Variants in IGF1R observed in about 807,000 individuals in gnomAD.
The protein encoded by IGF1R is insulin like growth factor 1 receptor.
Under a neutral mutation model 144.6 loss-of-function variants are expected in IGF1R, and 44 were observed. The ratio of observed to expected loss-of-function variants is 0.30; its 90% CI spans 0.24 to 0.39. IGF1R has a LOEUF of 0.39. IGF1R is among the 10% of genes least tolerant of loss of function. The pLI is 1.00. For synonymous variants in IGF1R, 795 were observed against 722.8 expected, an observed-to-expected ratio of 1.10 and a Z score of -1.60; for missense variants, 1,355 against 1,833.7, an observed-to-expected ratio of 0.74 and a Z score of 4.77.
In IGF1R at chr15:98,819,631, C is replaced by A. The variant is rs551954836; in HGVS notation, c.641-71694C>A. ...GTTTAAGGTGTTTTGTTATAGGTGC[C>A]CAGACAGGCTAGGACAAACGCCAAT... On this transcript the variant is annotated intron_variant, in intron 2 of 20. Transcript: ENST00000650285. 3.9e-5 allele frequency among the ~76,000 whole-genome samples: 6 copies of A among 152,162 alleles called. No individual in the cohort carries two copies. The South Asian group carries it at 8.3e-4, about 21-fold the overall frequency.
At chr15:98,943,200 ATTGAGGTGTTCCTGTTG>A in intron 19 of IGF1R, 148 bp downstream of exon 19, 1 of 901,738 alleles carries the variant, frequency 1.1e-6, no homozygotes, top group South Asian at 1.4e-5. Flanking sequence ...CTTCTTCATC[ATTGAGGTGTTCCTGTTG>A]TCAGTGGGCT....
rs779698941 is a variant in IGF1R, at chr15:98,957,769, T to A, written c.*327T>A. On this transcript the variant is annotated 3_prime_UTR_variant, in exon 21 of 21. Coordinates refer to ENST00000650285, the MANE Select transcript of IGF1R (RefSeq NM_000875.5). The stretch of plus-strand genomic sequence containing the variant: ...GTCCCTGTCCTTCCCTGTTCTCCCT[T>A]TCTCTCTCCTCTCTGCTTCATAACG... 1 of 412,186 alleles carries A rather than the reference T, an allele frequency of 2.4e-6. No homozygotes were observed. The highest frequency in any genetic ancestry group is 4.4e-6 in the Non-Finnish European group (1 of 227,632). The allele number at this position is 412,186 out of a possible 1,614,324, so 25.5% of individuals were successfully genotyped here. A position where few individuals can be genotyped will look rare whatever the true frequency, so the allele number is the denominator to read the frequency against.
chr15:98,693,767 C>T (rs369431077), intron 1 of IGF1R, among the ~76,000 whole-genome samples: 53 of 152,134 alleles, frequency 3.5e-4, no homozygotes, highest in East Asian at 9.7e-4. Context: ...CACCATGCCA[C>T]GCTCATTTTT....
intron 5 of IGF1R, among the ~76,000 whole-genome samples, chr15:98,904,301 C>T (rs1457416154): frequency 6.6e-6 from 1 of 152,080 alleles, no homozygotes; most frequent in African/African-American, 2.4e-5. Flanking sequence ...ATCTGCCTGC[C>T]TCGGCCTCTG....
chr15:98,938,724 C>T (rs2684797), intron 17 of IGF1R, among the ~76,000 whole-genome samples: 151,285 of 152,364 alleles, frequency 0.99, 75,122 homozygotes, highest in Middle Eastern at 1. Context: ...TAACGATGCT[C>T]TTATGGGAAA....
chr15:98,916,261 G>GTTTTT (rs34536372), intron 9 of IGF1R, 130 bp downstream of exon 9: 117 of 555,722 alleles, frequency 2.1e-4, no homozygotes, highest in East Asian at 7.4e-4. Flanking sequence ...CTATCTTCTG[G>GTTTTT]TTTTTTTTTT....
chr15:98,756,249 GT>G (rs35407450), intron 2 of IGF1R, among the ~76,000 whole-genome samples: 90,957 of 142,114 alleles, frequency 0.64, 29,905 homozygotes, highest in Non-Finnish European at 0.74. Context: ...GAAATAACCT[GT>G]TTTTTTTTTT....
chr15:98,934,986 G>A lies in IGF1R; in HGVS notation c.3119G>A (p.Ser1040Asn), dbSNP rs2151708034. ...ATTAAAACAGTGAACGAGGCCGCAA[G>A]CATGCGTGAGAGGATTGAGTTTCTC... is the stretch of plus-strand genomic sequence containing the variant. ...VAIKTVNEAA[S>N]MRERIEFLNE... Residue 1040 changes from serine to asparagine, a missense_variant, in exon 16 of 21, where the codon AGC becomes AAC. Coordinates refer to ENST00000650285, the MANE Select transcript of IGF1R (RefSeq NM_000875.5). The A allele has an allele frequency of 6.2e-7, 1 of 1,614,170 alleles. No individual in the cohort carries two copies. The highest frequency in any genetic ancestry group is 8.5e-7 in the Non-Finnish European group (1 of 1,180,032).
At chr15:98,918,956 A>G (rs2015369646) in intron 10 of IGF1R, among the ~76,000 whole-genome samples, 1 of 151,500 alleles carries the variant, frequency 6.6e-6, no homozygotes, top group Non-Finnish European at 1.5e-5. Flanking sequence ...CCGCTGGGGG[A>G]GTCTTCTGCC....
chr15:98,715,122 C>G (rs990823123), intron 2 of IGF1R, among the ~76,000 whole-genome samples: 2 of 152,194 alleles, frequency 1.3e-5, no homozygotes, highest in Admixed American at 6.5e-5. Flanking sequence ...TCACATGCCC[C>G]CAGGCCTCAT....
intron 2 of IGF1R, among the ~76,000 whole-genome samples, chr15:98,884,953 T>G (rs1024351230): frequency 6.6e-6 from 1 of 152,166 alleles, no homozygotes; most frequent in African/African-American, 2.4e-5. Context: ...CCCTCCCCTC[T>G]GTCTCCAGTG....
intron 13 of IGF1R, among the ~76,000 whole-genome samples, chr15:98,926,544 AT>A (rs2015727951): frequency 9.3e-6 from 1 of 107,138 alleles, no homozygotes. Flanking sequence ...TTTCAAAACA[AT>A]ATGTTGTACA....
intron 6 of IGF1R, among the ~76,000 whole-genome samples, chr15:98,910,021 T>C (rs1288455181): frequency 3.3e-5 from 5 of 152,340 alleles, no homozygotes; most frequent in South Asian, 4.1e-4. Context: ...TTTGTGCGTG[T>C]GTGCAGACAG....
intron 2 of IGF1R, among the ~76,000 whole-genome samples, chr15:98,835,709 G>A (rs997772774): frequency 6.6e-6 from 1 of 152,234 alleles, no homozygotes; most frequent in African/African-American, 2.4e-5. Flanking sequence ...AGCTTTAGAT[G>A]TGGTTGGGGT....
chr15:98,858,290 C>T (rs890642105), intron 2 of IGF1R, among the ~76,000 whole-genome samples: 1 of 151,584 alleles, frequency 6.6e-6, no homozygotes, highest in African/African-American at 2.4e-5. Flanking sequence ...TTTCCCCCCG[C>T]TTCGTTGTTT....
chr15:98,964,280 AT>A lies in IGF1R; in HGVS notation c.*6839del, dbSNP rs1000729217. On this transcript the variant is annotated 3_prime_UTR_variant, in exon 21 of 21. Transcript: ENST00000650285. ...TGTTACATAAAATGACTTTCTGTGT[AT>A]AAATTATTCCTAAAAAATCCTGTTT... is the stretch of plus-strand genomic sequence containing the variant. 3.0e-5 allele frequency: 7 copies of A among 232,496 alleles called. No homozygotes were observed. Among genetic ancestry groups the A allele is most frequent in the African/African-American group, 1.5e-4 (7 of 45,294 alleles). The allele number at this position is 232,496 out of a possible 1,614,324, so 14.4% of individuals were successfully genotyped here.
intron 1 of IGF1R, among the ~76,000 whole-genome samples, chr15:98,664,595 GTGGAGGTTGGAGGTTGGAGGT>G (rs370271964): frequency 1.3e-5 from 2 of 150,160 alleles, no homozygotes; most frequent in Non-Finnish European, 3.0e-5. Context: ...AACCTGGGAG[GTGGAGGTTGGAGGTTGGAGGT>G]TGGAGGTTGG....
At chr15:98,725,446 T>G (rs944620215) in intron 2 of IGF1R, among the ~76,000 whole-genome samples, 1 of 152,174 alleles carries the variant, frequency 6.6e-6, no homozygotes, top group Non-Finnish European at 1.5e-5. Context: ...CCCTCCTATG[T>G]TTTGGAGGTT....
At position 98,704,083 on chromosome 15, in the gene IGF1R, C is replaced by T. The variant is rs140482572; in HGVS notation, c.95-3479C>T. ...CCCAGGGGAAAAAAGACCCTCCCGG[C>T]CCCCTTCAGCTGTGATGTGTCTTTT... On this transcript the variant is annotated intron_variant, in intron 1 of 20. Coordinates refer to ENST00000650285, the MANE Select transcript of IGF1R (RefSeq NM_000875.5). This position sits in a 1 kb window ranked among gnomAD's most constrained non-coding sequence, Gnocchi z 4.9. 7.8e-4 allele frequency among the ~76,000 whole-genome samples: 119 copies of T among 152,238 alleles called. 2 individuals are homozygous for T. The highest frequency in any genetic ancestry group is 2.8e-3 in the African/African-American group (116 of 41,542).
Sources: gnomAD v4.1 joint callset for allele counts (sites outside exome capture counted in the v4.1 genomes callset) on GRCh38, gnomAD v4.1.1 for gene constraint, Gnocchi (gnomAD v3.1) non-coding constraint, MANE v1.5 for transcripts, NCBI Gene and HGNC (gene_info 2026-07-23, HGNC 2026-07-21) for gene names.